SLC25A21: variants seen among roughly 807,000 people sequenced by gnomAD.
The protein encoded by SLC25A21 is mitochondrial 2-oxodicarboxylate carrier.
Under a neutral mutation model 43.8 loss-of-function variants are expected in SLC25A21, and 47 were observed. The observed-to-expected ratio is 1.07, with a 90% CI of 0.85 to 1.37. The LOEUF (loss-of-function observed/expected upper bound fraction) is 1.37. Ranked by LOEUF, SLC25A21 falls within the 40% of genes most tolerant of loss-of-function variation. The pLI, the probability that SLC25A21 is intolerant of heterozygous loss-of-function variation, is 0.00. For missense variants in SLC25A21, 352 were observed against 350.2 expected (o/e 1.00, Z -0.04); for synonymous variants, 131 against 121.3 (o/e 1.08, Z -0.52).
At chr14:37,039,187 T>C (rs903994795) in intron 1 of SLC25A21, among the ~76,000 whole-genome samples, 4 of 152,318 alleles carry the variant, frequency 2.6e-5, no homozygotes, top group Admixed American at 6.5e-5. Context: ...CGCCTAATCA[T>C]TGACAGTATG....
rs186777398 is a variant in SLC25A21 at position 36,695,986 on chromosome 14, G to A, written c.604-11061C>T. On this transcript the variant is annotated intron_variant, in intron 7 of 9. Coordinates refer to ENST00000331299, the MANE Select transcript of SLC25A21 (RefSeq NM_030631.4). ...ACAGAGGGCATCCTTGTCTTGTGCC[G>A]GTTTTCAAAGGGAATGCTTCCAGTT... Among the ~76,000 whole-genome samples, 36 of 152,146 alleles carry A rather than the reference G, an allele frequency of 2.4e-4. No individual in the cohort carries two copies. In the East Asian group the frequency reaches 3.1e-3, roughly 13 times the overall value.
chr14:37,139,759 T>C (rs1963540393), intron 1 of SLC25A21, among the ~76,000 whole-genome samples: 1 of 152,206 alleles, frequency 6.6e-6, no homozygotes, highest in South Asian at 2.1e-4. Flanking sequence ...TTCAAGACTT[T>C]ATAATCATCA....
chr14:36,777,256 T>G (rs1886871204), intron 3 of SLC25A21, among the ~76,000 whole-genome samples: 1 of 151,974 alleles, frequency 6.6e-6, no homozygotes, highest in Admixed American at 6.6e-5. Flanking sequence ...AGACTCTGTC[T>G]CAAAAAAACA....
chr14:37,115,052 T>C (rs931880660), intron 1 of SLC25A21, among the ~76,000 whole-genome samples: 3 of 152,166 alleles, frequency 2.0e-5, no homozygotes, highest in Non-Finnish European at 4.4e-5. Context: ...AAATGTGGGA[T>C]GGCCAGATAA....
intron 1 of SLC25A21, among the ~76,000 whole-genome samples, chr14:36,907,250 T>C (rs1594684280): frequency 2.0e-5 from 3 of 152,142 alleles, no homozygotes; most frequent in African/African-American, 7.2e-5. Flanking sequence ...AGTTCAACTT[T>C]ACAGTGTAAG....
At chr14:37,085,817 A>G (rs961491588) in intron 1 of SLC25A21, among the ~76,000 whole-genome samples, 5 of 152,190 alleles carry the variant, frequency 3.3e-5, no homozygotes, top group Non-Finnish European at 7.4e-5. Context: ...CTTACTTCTG[A>G]AAACTTGGCC....
rs540875365 is a variant in SLC25A21, at chr14:37,055,153, T to A, written c.70+117128A>T. Among the ~76,000 whole-genome samples, 9 of 152,332 alleles carry A rather than the reference T, an allele frequency of 5.9e-5. No individual in the cohort carries two copies. The East Asian group carries it at 1.7e-3, about 29-fold the overall frequency. The stretch of plus-strand genomic sequence containing the variant: ...TGAGAGGAAAGGACAGAGAATTATC[T>A]AATTCATAGGCCTTCAGGTTGAAAG... On this transcript the variant is annotated intron_variant, in intron 1 of 9. Coordinates refer to ENST00000331299, the MANE Select transcript of SLC25A21 (RefSeq NM_030631.4).
chr14:37,153,705 C>G (rs1437667983), intron 1 of SLC25A21, among the ~76,000 whole-genome samples: 1 of 152,210 alleles, frequency 6.6e-6, no homozygotes, highest in Non-Finnish European at 1.5e-5. Flanking sequence ...AAGCACTTAG[C>G]CTGAGGCCTA....
chr14:36,915,746 A>C (rs1188364661), intron 1 of SLC25A21, among the ~76,000 whole-genome samples: 1 of 152,130 alleles, frequency 6.6e-6, no homozygotes, highest in Non-Finnish European at 1.5e-5. Flanking sequence ...TCTCCCCTTT[A>C]GTAACGAGAG....
chr14:37,115,419 C>A (rs1052078809), intron 1 of SLC25A21, among the ~76,000 whole-genome samples: 3 of 152,088 alleles, frequency 2.0e-5, no homozygotes, highest in African/African-American at 7.2e-5. Flanking sequence ...CACATACCAG[C>A]AAAAATACAT....
intron 2 of SLC25A21, among the ~76,000 whole-genome samples, chr14:36,823,203 G>C (rs1321213473): frequency 6.6e-6 from 1 of 152,066 alleles, no homozygotes. Flanking sequence ...AGAGGCAAAT[G>C]ATCATGAGAG....
chr14:36,725,808 C>A, intron 5 of SLC25A21, 131 bp from the exon 6 acceptor site: 1 of 410,000 alleles, frequency 2.4e-6, no homozygotes, highest in Non-Finnish European at 4.1e-6. Flanking sequence ...GCACCATATT[C>A]CATTACTAAA....
chr14:36,997,281 C>A (rs1960391551), intron 1 of SLC25A21, among the ~76,000 whole-genome samples: 1 of 152,128 alleles, frequency 6.6e-6, no homozygotes, highest in Non-Finnish European at 1.5e-5. Context: ...ATGATACAGT[C>A]TATGCTCCCG....
chr14:36,907,628 T>C (rs1891571806), intron 1 of SLC25A21, among the ~76,000 whole-genome samples: 1 of 152,046 alleles, frequency 6.6e-6, no homozygotes, highest in Admixed American at 6.6e-5. Context: ...CCAATAGGCG[T>C]TTTTGAAGAT....
At chr14:37,009,288 G>C (rs1245354776) in intron 1 of SLC25A21, among the ~76,000 whole-genome samples, 1 of 152,126 alleles carries the variant, frequency 6.6e-6, no homozygotes, top group Non-Finnish European at 1.5e-5. Context: ...AGGAGTTTGA[G>C]ACCAGCCTGG....
In SLC25A21 at chr14:36,729,582, A is replaced by T; in HGVS notation, c.271-16T>A. On this transcript the variant is annotated splice_polypyrimidine_tract_variant and intron_variant, in intron 4 of 9. Coordinates refer to ENST00000331299, the MANE Select transcript of SLC25A21 (RefSeq NM_030631.4). ...AGGTGAAAAACTGTGAAACAAAACCAAACTCACAGATTTATAACAATTTTC... is the reference window on the plus strand; with the variant it reads ...AGGTGAAAAACTGTGAAACAAAACCTAACTCACAGATTTATAACAATTTTC... The T allele has an allele frequency of 6.3e-7, 1 of 1,599,486 alleles. No homozygotes were observed. The highest frequency in any genetic ancestry group is 8.5e-7 in the Non-Finnish European group (1 of 1,174,322).
chr14:36,806,428 A>T (rs1218137659), intron 3 of SLC25A21, among the ~76,000 whole-genome samples: 5 of 152,094 alleles, frequency 3.3e-5, no homozygotes, highest in African/African-American at 1.2e-4. Flanking sequence ...TGGATCTGTT[A>T]ATTACTTTGA....
chr14:37,066,798 G>A (rs758019396), intron 1 of SLC25A21, among the ~76,000 whole-genome samples: 1 of 152,014 alleles, frequency 6.6e-6, no homozygotes, highest in Non-Finnish European at 1.5e-5. Flanking sequence ...AAAGATAAAG[G>A]CATAAAATAT....
At chr14:37,015,370 CTCA>C (rs905279958) in intron 1 of SLC25A21, among the ~76,000 whole-genome samples, 14 of 151,718 alleles carry the variant, frequency 9.2e-5, no homozygotes, top group Admixed American at 7.2e-4. Flanking sequence ...AGGACATGAA[CTCA>C]TCATTTTTTA....
Sources: allele counts gnomAD v4.1 joint callset (sites outside exome capture counted in the v4.1 genomes callset), GRCh38; gene constraint gnomAD v4.1.1; transcripts MANE v1.5; gene names NCBI Gene and HGNC (gene_info 2026-07-23, HGNC 2026-07-21).